The following PABPC4L variants were observed in gnomAD, a reference collection of about 807,000 sequenced individuals.
PABPC4L encodes poly(A) binding protein cytoplasmic 4 like.
For missense variants in PABPC4L, 452 were observed against 451.4 expected (o/e 1.00, Z -0.01); for synonymous variants, 169 against 164.1 (o/e 1.03, Z -0.23).
chr4:134,075,053 A>C, the PABPC4L span, among the ~76,000 whole-genome samples: 1 of 152,218 alleles, frequency 6.6e-6, no homozygotes, highest in Admixed American at 6.5e-5. Context: ...AAATTATATT[A>C]AACCTAATAT....
At chr4:134,172,666 C>A in the PABPC4L span, among the ~76,000 whole-genome samples, 1 of 151,860 alleles carries the variant, frequency 6.6e-6, no homozygotes, top group Non-Finnish European at 1.5e-5. Context: ...GCAAATGGGA[C>A]CTAATTAAGC....
At chr4:134,063,615 A>C in the PABPC4L span, among the ~76,000 whole-genome samples, 1 of 152,234 alleles carries the variant, frequency 6.6e-6, no homozygotes, top group African/African-American at 2.4e-5. Context: ...CAACAATGTC[A>C]AAGTTACAAA....
the PABPC4L span, among the ~76,000 whole-genome samples, chr4:134,024,425 G>C: frequency 6.6e-6 from 1 of 152,036 alleles, no homozygotes; most frequent in African/African-American, 2.4e-5. Flanking sequence ...GTTGATTTTT[G>C]GTGCGGCTAC....
chr4:134,123,275 AAGCACTAGAC>A, the PABPC4L span, among the ~76,000 whole-genome samples: 2 of 152,044 alleles, frequency 1.3e-5, no homozygotes, highest in Non-Finnish European at 2.9e-5. Flanking sequence ...TTGTGTTTAG[AAGCACTAGAC>A]AGCATCTCAG....
At chr4:134,090,769 A>AT in the PABPC4L span, among the ~76,000 whole-genome samples, 1 of 151,920 alleles carries the variant, frequency 6.6e-6, no homozygotes, top group African/African-American at 2.4e-5. Flanking sequence ...TCTCAAAAAA[A>AT]AAAATAAAAA....
chr4:134,054,246 G>GTATA, the PABPC4L span, among the ~76,000 whole-genome samples: 11 of 74,062 alleles, frequency 1.5e-4, no homozygotes, highest in Non-Finnish European at 2.2e-4. Flanking sequence ...TACTTTAGTT[G>GTATA]TATATGTATA....
chr4:134,086,639 C>A, the PABPC4L span, among the ~76,000 whole-genome samples: 1 of 151,904 alleles, frequency 6.6e-6, no homozygotes, highest in African/African-American at 2.4e-5. Context: ...TTTGGCCATG[C>A]CACCCTCCCG....
At chr4:134,129,633 T>G in the PABPC4L span, among the ~76,000 whole-genome samples, 1 of 152,208 alleles carries the variant, frequency 6.6e-6, no homozygotes, top group East Asian at 1.9e-4. Context: ...AATTTAAGTT[T>G]AATTAAATTT....
At chr4:134,128,883 G>T in the PABPC4L span, among the ~76,000 whole-genome samples, 1 of 152,186 alleles carries the variant, frequency 6.6e-6, no homozygotes, top group East Asian at 1.9e-4. Context: ...TAGAATGGCA[G>T]AATGGATAAG....
chr4:134,141,315 A>C, the PABPC4L span, among the ~76,000 whole-genome samples: 1 of 151,524 alleles, frequency 6.6e-6, no homozygotes, highest in Admixed American at 6.6e-5. Flanking sequence ...ACTGGTAAGC[A>C]AAATTTATTC....
chr4:134,130,708 A>C, the PABPC4L span, among the ~76,000 whole-genome samples: 112 of 152,206 alleles, frequency 7.4e-4, no homozygotes, highest in African/African-American at 2.6e-3. Flanking sequence ...AAAACCAGAA[A>C]AGGACATAAA....
chr4:134,123,582 A>T, the PABPC4L span, among the ~76,000 whole-genome samples: 3 of 152,060 alleles, frequency 2.0e-5, no homozygotes, highest in African/African-American at 7.2e-5. Context: ...TATTGAATCC[A>T]TGAATAATCA....
the PABPC4L span, among the ~76,000 whole-genome samples, chr4:133,989,191 T>C: frequency 3.3e-5 from 5 of 152,200 alleles, no homozygotes; most frequent in African/African-American, 4.8e-5. Context: ...ATTTTTTCCA[T>C]GTTGTTGGTG....
the PABPC4L span, among the ~76,000 whole-genome samples, chr4:134,071,651 G>C: frequency 1.2e-4 from 18 of 152,136 alleles, no homozygotes; most frequent in African/African-American, 4.3e-4. Flanking sequence ...TTTGAAAAAG[G>C]AGACTGTTGT....
chr4:134,184,012 T>C, the PABPC4L span, among the ~76,000 whole-genome samples: 1 of 151,768 alleles, frequency 6.6e-6, no homozygotes, highest in South Asian at 2.1e-4. Flanking sequence ...TGGATATTCA[T>C]AGGGCCAAGA....
chr4:134,040,790 A>G, the PABPC4L span, among the ~76,000 whole-genome samples: 1 of 152,144 alleles, frequency 6.6e-6, no homozygotes, highest in African/African-American at 2.4e-5. Flanking sequence ...TGAACAGGCA[A>G]CCTACAGAAT....
At chr4:134,146,922 T>C in the PABPC4L span, among the ~76,000 whole-genome samples, 3 of 152,102 alleles carry the variant, frequency 2.0e-5, no homozygotes, top group Non-Finnish European at 4.4e-5. Flanking sequence ...GGCTTTAAAC[T>C]ACCCTTGGCT....
the PABPC4L span, among the ~76,000 whole-genome samples, chr4:134,116,128 G>A: frequency 6.6e-6 from 1 of 151,900 alleles, no homozygotes; most frequent in East Asian, 1.9e-4. Context: ...ATAGGCAGAA[G>A]CTGCATCAGG....
At chr4:134,069,748 C>T in the PABPC4L span, among the ~76,000 whole-genome samples, 16 of 152,054 alleles carry the variant, frequency 1.1e-4, no homozygotes, top group South Asian at 2.1e-4. Flanking sequence ...AAAATCCTTG[C>T]GTTGGGATTT....
Sources: allele counts gnomAD v4.1 joint callset (sites outside exome capture counted in the v4.1 genomes callset), GRCh38; gene constraint gnomAD v4.1.1; transcripts MANE v1.5; gene names NCBI Gene and HGNC (gene_info 2026-07-23, HGNC 2026-07-21).